LYPD6: variants seen among roughly 807,000 people sequenced by gnomAD.
LYPD6 encodes the protein ly6/PLAUR domain-containing protein 6.
In LYPD6, 15 loss-of-function variants were observed where a neutral mutation model predicts 22.7. The ratio of observed to expected loss-of-function variants is 0.66; its 90% CI spans 0.44 to 1.02. The LOEUF is 1.02. LYPD6 is among the 50% of genes least tolerant of loss of function. The pLI is 0.00. For missense variants in LYPD6, 189 were observed against 208.4 expected, an observed-to-expected ratio of 0.91 and a Z score of 0.57; for synonymous variants, 72 against 77.5, an observed-to-expected ratio of 0.93 and a Z score of 0.37.
intron 1 of LYPD6, among the ~76,000 whole-genome samples, chr2:149,385,625 GATACTGGA>G (rs1682165421): frequency 6.6e-6 from 1 of 152,206 alleles, no homozygotes; most frequent in African/African-American, 2.4e-5. Context: ...ACTTTGTATA[GATACTGGA>G]ATTTTCCTTT....
chr2:149,474,724 G>C (rs1234366690), downstream of LYPD6, among the ~76,000 whole-genome samples: 1 of 152,068 alleles, frequency 6.6e-6, no homozygotes, highest in African/African-American at 2.4e-5. Flanking sequence ...TAGAAAATTT[G>C]ATTTTGAAGA....
intron 1 of LYPD6, chr2:149,367,943 G>GT (rs1681716447): frequency 6.6e-6 from 1 of 152,146 alleles, no homozygotes; most frequent in Non-Finnish European, 1.5e-5. Flanking sequence ...GGTGTTCCAG[G>GT]ACAAGGTATC....
chr2:149,451,569 G>A (rs527287543), intron 3 of LYPD6, among the ~76,000 whole-genome samples: 1 of 152,130 alleles, frequency 6.6e-6, no homozygotes, highest in Non-Finnish European at 1.5e-5. Context: ...AAAAGAAAAA[G>A]CAAGGGACCA....
intron 1 of LYPD6, among the ~76,000 whole-genome samples, chr2:149,360,972 G>A (rs1439722715): frequency 3.9e-5 from 6 of 152,142 alleles, no homozygotes; most frequent in Non-Finnish European, 8.8e-5. Flanking sequence ...CTATGCATGC[G>A]TAGGAAAAGA....
At chr2:149,476,912 A>G (rs1681456832), downstream of LYPD6, among the ~76,000 whole-genome samples, 1 of 152,202 alleles carries the variant, frequency 6.6e-6, no homozygotes, top group Non-Finnish European at 1.5e-5. Context: ...TCTGTGAACA[A>G]CGAGCAACCC....
At chr2:149,365,089 G>A (rs776135239) in intron 1 of LYPD6, among the ~76,000 whole-genome samples, 3 of 152,154 alleles carry the variant, frequency 2.0e-5, no homozygotes, top group Non-Finnish European at 4.4e-5. Context: ...CTAATGAACA[G>A]CCCCTTCATC....
chr2:149,399,904 C>T (rs1282380901), intron 1 of LYPD6, among the ~76,000 whole-genome samples: 1 of 152,070 alleles, frequency 6.6e-6, no homozygotes, highest in Non-Finnish European at 1.5e-5. Flanking sequence ...GGCTTTTGTC[C>T]TTTGTTGTTG....
downstream of LYPD6, among the ~76,000 whole-genome samples, chr2:149,475,999 A>G (rs1681445130): frequency 6.6e-6 from 1 of 152,184 alleles, no homozygotes; most frequent in African/African-American, 2.4e-5. Context: ...CTCAGGTCAC[A>G]AAGTTAGAGT....
chr2:149,437,877 G>A (rs758042641), intron 2 of LYPD6, 51 bp downstream of exon 2: 58 of 1,603,138 alleles, frequency 3.6e-5, no homozygotes, highest in Non-Finnish European at 4.9e-5. Context: ...CAAATAAGAA[G>A]TGGTTCAAAA....
chr2:149,429,154 A>G (rs1038946213), intron 1 of LYPD6, among the ~76,000 whole-genome samples: 9 of 152,154 alleles, frequency 5.9e-5, no homozygotes, highest in Admixed American at 6.6e-5. Context: ...CTCTGGTTTC[A>G]GCTACATGCT....
At chr2:149,440,542 A>G (rs937646140) in intron 2 of LYPD6, 1 of 152,190 alleles carries the variant, frequency 6.6e-6, no homozygotes, top group Admixed American at 6.5e-5. Flanking sequence ...AAGTGAGATT[A>G]TAAGTAGATG....
At chr2:149,375,477 A>G (rs542302721) in intron 1 of LYPD6, among the ~76,000 whole-genome samples, 1 of 152,322 alleles carries the variant, frequency 6.6e-6, no homozygotes, top group East Asian at 1.9e-4. Flanking sequence ...CATGACGAAA[A>G]TAAAGCTCAG....
rs139673925 is a variant in LYPD6 at position 149,437,716 on chromosome 2, C to T, written c.8C>T (p.Pro3Leu). The T allele has an allele frequency of 3.7e-6, 6 of 1,614,118 alleles. No individual in the cohort carries two copies. Among genetic ancestry groups the T allele is most frequent in the Non-Finnish European group, 4.2e-6 (5 of 1,180,004 alleles). ...GTGACACTTCAGTCTGCCATGGAAC[C>T]TGGCCCTGCTCTGGCCTGGCTCCTG... ME[P>L]GPALAWLLLL... Residue 3 changes from proline to leucine, a missense_variant, in exon 2 of 5, where the codon CCT becomes CTT. Pro to Leu is a moderately conservative substitution (Grantham distance 98, BLOSUM62 -3). Coordinates refer to ENST00000334166, the MANE Select transcript of LYPD6 (RefSeq NM_194317.5).
intron 1 of LYPD6, among the ~76,000 whole-genome samples, chr2:149,392,674 C>T (rs1682338805): frequency 6.6e-6 from 1 of 152,088 alleles, no homozygotes; most frequent in East Asian, 1.9e-4. Flanking sequence ...AATTTGACCC[C>T]CTGGGAAAGT....
chr2:149,355,840 C>T (rs959648609), intron 1 of LYPD6, among the ~76,000 whole-genome samples: 1 of 152,080 alleles, frequency 6.6e-6, no homozygotes, highest in Non-Finnish European at 1.5e-5. Flanking sequence ...ACATTAATCT[C>T]ATGTATGGGC....
intron 1 of LYPD6, among the ~76,000 whole-genome samples, chr2:149,373,784 C>T (rs186642220): frequency 3.4e-4 from 51 of 152,210 alleles, no homozygotes; most frequent in Admixed American, 1.0e-3. Context: ...TTGCTTTAGT[C>T]ATGTATTCAA....
intron 1 of LYPD6, among the ~76,000 whole-genome samples, chr2:149,363,935 A>G (rs1224515251): frequency 6.6e-6 from 1 of 152,142 alleles, no homozygotes; most frequent in Non-Finnish European, 1.5e-5. Context: ...TGGGTTGTTG[A>G]CACTAAAAAT....
the LYPD6 span, among the ~76,000 whole-genome samples, chr2:149,481,458 T>G: frequency 9.4e-3 from 1,432 of 152,338 alleles, 60 homozygotes; most frequent in Admixed American, 0.073. Context: ...CCCATAATCC[T>G]ACTTCTGTAA....
At chr2:149,404,165 G>A (rs932684175) in intron 1 of LYPD6, among the ~76,000 whole-genome samples, 6 of 152,158 alleles carry the variant, frequency 3.9e-5, no homozygotes, top group Admixed American at 2.0e-4. Context: ...GTCAGGTGGC[G>A]TGATGCCTCC....
Sources: gnomAD v4.1 joint callset for allele counts (sites outside exome capture counted in the v4.1 genomes callset) on GRCh38, gnomAD v4.1.1 for gene constraint, MANE v1.5 for transcripts, NCBI Gene and HGNC (gene_info 2026-07-23, HGNC 2026-07-21) for gene names.